The following DNAH1 variants were observed in gnomAD, a reference collection of about 807,000 sequenced individuals.
DNAH1 encodes the protein dynein axonemal heavy chain 1.
A neutral mutation model predicts 484.3 loss-of-function variants in DNAH1; 327 were observed. The ratio of observed to expected loss-of-function variants is 0.68; its 90% CI spans 0.62 to 0.74. The LOEUF is 0.74. Ranked by LOEUF, DNAH1 falls within the 30% of genes least tolerant of loss-of-function variation. The pLI is 0.00. For synonymous variants in DNAH1, 2,192 were observed against 2,191.9 expected (o/e 1.00, Z 0.00); for missense variants, 5,052 against 5,546.8 (o/e 0.91, Z 2.83).
intron 3 of DNAH1, among the ~76,000 whole-genome samples, chr3:52,325,008 G>A (rs1337554044): frequency 7.9e-5 from 12 of 152,110 alleles, no homozygotes; most frequent in African/African-American, 2.7e-4. Flanking sequence ...GCTCCTTCTT[G>A]GCCACTGAGT....
rs772641193 is a variant in DNAH1 at position 52,391,305 on chromosome 3, C to T, written c.9868C>T (p.Leu3290=). The T allele has an allele frequency of 8.7e-6, 14 of 1,611,744 alleles. No individual in the cohort carries two copies. In the East Asian group the frequency reaches 3.1e-4, roughly 36 times the overall value. ...ENVGEELDPA[L]EPVLLKQTYK... is the part of the protein sequence containing the mutation. The stretch of plus-strand genomic sequence containing the variant: ...CGTGGGCGAGGAGCTAGACCCAGCC[C>T]TGGAGCCAGTGCTGCTCAAGCAGGT... Residue 3290 remains leucine (L), a synonymous_variant, in exon 62 of 78, where the codon CTG becomes TTG. Transcript: ENST00000420323.
In DNAH1 at chr3:52,369,854, C is replaced by T. The variant is rs1335290753; in HGVS notation, c.5973C>T (p.Asp1991=). The T allele has an allele frequency of 8.1e-6, 13 of 1,612,492 alleles. No homozygotes were observed. Among genetic ancestry groups the T allele is most frequent in the Non-Finnish European group, 1.1e-5 (13 of 1,178,800 alleles). The change falls in exon 38 of 78, where the codon GAC becomes GAT. Residue 1991 remains aspartate, a synonymous_variant. Transcript: ENST00000420323. ...EAMTMMFEVQ[D]LAVASPATVS... ...TGACCATGATGTTCGAGGTGCAAGACCTGGCGGTGGCTTCACCAGCTACAG... is the reference window on the plus strand; with the variant it reads ...TGACCATGATGTTCGAGGTGCAAGATCTGGCGGTGGCTTCACCAGCTACAG...
intron 1 of DNAH1, among the ~76,000 whole-genome samples, chr3:52,318,087 T>C (rs1701015946): frequency 6.6e-6 from 1 of 152,240 alleles, no homozygotes; most frequent in Non-Finnish European, 1.5e-5. Flanking sequence ...AGTCTCGCTC[T>C]GTCGCCCAGG....
chr3:52,325,892 C>T (rs1445838277), intron 3 of DNAH1, among the ~76,000 whole-genome samples: 1 of 152,154 alleles, frequency 6.6e-6, no homozygotes, highest in Non-Finnish European at 1.5e-5. Context: ...GTCAAGCATG[C>T]TGGCTCTGGA....
chr3:52,312,446 G>A (rs1263355227), upstream of DNAH1, among the ~76,000 whole-genome samples: 1 of 151,770 alleles, frequency 6.6e-6, no homozygotes, highest in Non-Finnish European at 1.5e-5. Context: ...CAGAGGAAGT[G>A]GGCAGGAGAC....
In DNAH1 at chr3:52,372,094, C is replaced by T. The variant is rs948703765; in HGVS notation, c.6666+8C>T. On this transcript the variant is annotated splice_region_variant and intron_variant, in intron 42 of 77. Coordinates refer to ENST00000420323, the MANE Select transcript of DNAH1 (RefSeq NM_015512.5). ...CTCACCAACAAGAAGCCCGTGAGCA[C>T]CCCCCCAGGCCCTGCCTCCACTGTC... 2 of 1,610,964 alleles carry T rather than the reference C, an allele frequency of 1.2e-6. No individual in the cohort carries two copies. Among genetic ancestry groups the T allele is most frequent in the South Asian group, 1.1e-5 (1 of 90,726 alleles).
Position 52,381,666 on chromosome 3 carries a change from A to T in DNAH1, c.7635A>T (p.Ile2545=). The T allele has an allele frequency of 6.2e-7, 1 of 1,608,514 alleles. No homozygotes were observed. Among genetic ancestry groups the T allele is most frequent in the Non-Finnish European group, 8.5e-7 (1 of 1,177,738 alleles). ...SKMMQVIEEY[I]EDYNQINTAK... is the part of the protein sequence containing the mutation. ...TGATGCAGGTGATAGAGGAGTACAT[A>T]GAGGACTACAACCAGATCAACACGG... Residue 2545 remains isoleucine (I), a synonymous_variant, in exon 49 of 78, where the codon ATA becomes ATT. Transcript: ENST00000420323. This position sits in a 1 kb window ranked among gnomAD's most constrained non-coding sequence, Gnocchi z 4.1.
chr3:52,373,890 T>C, intron 44 of DNAH1: 1 of 1,394,138 alleles, frequency 7.2e-7, no homozygotes, highest in Non-Finnish European at 1.0e-6. Flanking sequence ...ACCACCTTCC[T>C]CCAATCCTAC....
chr3:52,344,505 C>T lies in DNAH1; in HGVS notation c.1302C>T (p.Leu434=), dbSNP rs1202785121. The change falls in exon 9 of 78, where the codon CTC becomes CTT. Residue 434 remains leucine (L), a synonymous_variant. Transcript: ENST00000420323. ...CTATGGGCAGGGTTCTAGAGCACCT[C>T]AGCAGTCTTGCCAGAGAAGTGAGCC... The part of the protein sequence containing the change: ...MRKGPSVLEH[L]SSLAREVSLD... The T allele has an allele frequency of 3.7e-6, 6 of 1,613,934 alleles. No individual in the cohort carries two copies. The highest frequency in any genetic ancestry group is 3.4e-6 in the Non-Finnish European group (4 of 1,179,820).
intron 54 of DNAH1, 42 bp downstream of exon 54, chr3:52,385,489 G>T: frequency 6.6e-7 from 1 of 1,518,230 alleles, no homozygotes; most frequent in Non-Finnish European, 8.9e-7. Flanking sequence ...CTGACTCTGA[G>T]GAAGCTCGGC....
At chr3:52,378,830 C>T in intron 47 of DNAH1, 50 bp downstream of exon 47, 1 of 1,598,548 alleles carries the variant, frequency 6.3e-7, no homozygotes, top group South Asian at 1.1e-5. Context: ...CTCTCCGCAT[C>T]CTCCCCAGCC....
At position 52,352,012 on chromosome 3, in the gene DNAH1, T is replaced by C; in HGVS notation, c.2780T>C (p.Val927Ala). The change falls in exon 17 of 78, where the codon GTG becomes GCG. Residue 927 changes from valine (V) to alanine (A), a missense_variant. Transcript: ENST00000420323. ...PSKILGQIEL[V>A]QQQHVEDEEK... ...AAGATCCTTGGGCAGATAGAGCTGG[T>C]GCAGCAGCAGCATGTGGAGGATGAG... is the stretch of plus-strand genomic sequence containing the variant. 1.2e-6 allele frequency: 2 copies of C among 1,600,608 alleles called. No homozygotes were observed. The highest frequency in any genetic ancestry group is 1.7e-6 in the Non-Finnish European group (2 of 1,173,840).
rs1702554324 is a variant in DNAH1 at position 52,355,064 on chromosome 3, TC to T, written c.3693+15del. ...AACTGAAGCTGACCCAGGTCGGCCC[TC>T]CCCCCAGTCCTTCCCTCATCGCTCC... is the stretch of plus-strand genomic sequence containing the variant. On this transcript the variant is annotated intron_variant, in intron 21 of 77. Coordinates refer to ENST00000420323, the MANE Select transcript of DNAH1 (RefSeq NM_015512.5). This position sits in a 1 kb window ranked among gnomAD's most constrained non-coding sequence, Gnocchi z 4.5. 4 of 1,611,408 alleles carry T rather than the reference TC, an allele frequency of 2.5e-6. No individual in the cohort carries two copies.
intron 12 of DNAH1, among the ~76,000 whole-genome samples, chr3:52,348,364 C>T (rs1186544031): frequency 1.3e-5 from 2 of 152,186 alleles, no homozygotes. Flanking sequence ...AGACCCCACG[C>T]TCTTGATCCC....
chr3:52,341,622 C>G (rs1336681411), intron 8 of DNAH1, among the ~76,000 whole-genome samples: 6 of 145,958 alleles, frequency 4.1e-5, no homozygotes, highest in Non-Finnish European at 3.0e-5. Context: ...CTGCAAAGGG[C>G]TTGACTTTTA....
At chr3:52,380,233 A>G in intron 48 of DNAH1, 98 bp downstream of exon 48, 1 of 1,086,370 alleles carries the variant, frequency 9.2e-7, no homozygotes. Context: ...ACAGACTACC[A>G]CACTATAACC....
intron 52 of DNAH1, 87 bp from the exon 53 acceptor site, chr3:52,384,699 G>C: frequency 7.2e-7 from 1 of 1,380,218 alleles, no homozygotes; most frequent in Non-Finnish European, 9.6e-7. Context: ...CCCCCTCCTC[G>C]GCCCAGGTTG....
At chr3:52,356,022 C>T (rs1702595255) in intron 21 of DNAH1, among the ~76,000 whole-genome samples, 1 of 152,256 alleles carries the variant, frequency 6.6e-6, no homozygotes, top group Non-Finnish European at 1.5e-5. Flanking sequence ...AGTCCTGACA[C>T]TGCTGACTGT....
chr3:52,383,267 T>C lies in DNAH1; in HGVS notation c.7942-119T>C, dbSNP rs1703937169. ...TGAGGTCACTTTTGTGACTCTGGGCTTCTCTGAGCCTTAGTGGTACAGTCT... is the reference window on the plus strand; with the variant it reads ...TGAGGTCACTTTTGTGACTCTGGGCCTCTCTGAGCCTTAGTGGTACAGTCT... On this transcript the variant is annotated intron_variant, in intron 50 of 77. Coordinates refer to ENST00000420323, the MANE Select transcript of DNAH1 (RefSeq NM_015512.5). 1.1e-5 allele frequency: 10 copies of C among 908,976 alleles called. No homozygotes were observed. The South Asian group carries it at 1.5e-4, about 14-fold the overall frequency. 56.3% of individuals were successfully genotyped at this position (908,976 alleles called of 1,614,324 possible).
Sources: allele counts gnomAD v4.1 joint callset (sites outside exome capture counted in the v4.1 genomes callset), GRCh38; gene constraint gnomAD v4.1.1; non-coding constraint Gnocchi (gnomAD v3.1); transcripts MANE v1.5; gene names NCBI Gene and HGNC (gene_info 2026-07-23, HGNC 2026-07-21).